POC1B: variants seen among roughly 807,000 people sequenced by gnomAD.
POC1B encodes the protein POC1 centriolar protein homolog B.
A neutral mutation model predicts 60.6 loss-of-function variants in POC1B; 44 were observed. The ratio of observed to expected loss-of-function variants is 0.73; its 90% CI spans 0.57 to 0.93. The LOEUF (loss-of-function observed/expected upper bound fraction) is 0.93. Ranked by LOEUF, POC1B falls within the 40% of genes least tolerant of loss-of-function variation. The probability of loss-of-function intolerance (pLI) is 0.00; values close to 1 mark genes in which losing one functional copy is unlikely to be tolerated. For synonymous variants in POC1B, 180 were observed against 198.9 expected (o/e 0.90, Z 0.80); for missense variants, 555 against 572.3 (o/e 0.97, Z 0.31).
intron 4 of POC1B, among the ~76,000 whole-genome samples, chr12:89,479,898 GTAAAA>G (rs1414324465): frequency 6.6e-6 from 1 of 151,788 alleles, no homozygotes; most frequent in Admixed American, 6.6e-5. Flanking sequence ...AATTTTTTTG[GTAAAA>G]TATTCAACTT....
Position 89,470,345 on chromosome 12 carries a change from A to C in POC1B, c.810+16T>G, listed in dbSNP as rs563705298. The C allele has an allele frequency of 7.6e-7, 1 of 1,320,800 alleles. No individual in the cohort carries two copies. Among genetic ancestry groups the C allele is most frequent in the East Asian group, 2.8e-5 (1 of 35,592 alleles). 81.8% of individuals were successfully genotyped at this position (1,320,800 alleles called of 1,614,324 possible). A position where few individuals can be genotyped will look rare whatever the true frequency, so the allele number is the denominator to read the frequency against. On this transcript the variant is annotated intron_variant, in intron 7 of 11. Transcript: ENST00000313546. ...ATATTTTTATATATAAAAAGCAAGA[A>C]TCTGAGTGTTAATACCGTATGTCCT...
At chr12:89,406,638 G>A in the POC1B span, among the ~76,000 whole-genome samples, 4 of 151,898 alleles carry the variant, frequency 2.6e-5, no homozygotes, top group South Asian at 8.3e-4. Flanking sequence ...TCCTATTCCC[G>A]GGTCTGCAAG....
intron 2 of POC1B, chr12:89,500,518 T>C (rs915679265): frequency 4.4e-6 from 7 of 1,604,006 alleles, no homozygotes; most frequent in Middle Eastern, 1.6e-4. Flanking sequence ...GAAACATAAA[T>C]GATCATCACA....
intron 4 of POC1B, among the ~76,000 whole-genome samples, chr12:89,477,371 T>C (rs1273755404): frequency 6.6e-6 from 1 of 152,108 alleles, no homozygotes; most frequent in Non-Finnish European, 1.5e-5. Flanking sequence ...TGAAAATTAC[T>C]TGTTCGGGAA....
chr12:89,478,025 T>A (rs940343378), intron 4 of POC1B, among the ~76,000 whole-genome samples: 3 of 152,226 alleles, frequency 2.0e-5, no homozygotes, highest in African/African-American at 7.2e-5. Context: ...TCCTGAACAC[T>A]GTCACCAGTA....
Position 89,492,075 on chromosome 12 carries a change from C to T in POC1B, c.313G>A (p.Val105Ile). ...TCAGCTGAAAAGTCTACACTTCGAA[C>T]TGGAGCTGTATGAGCTTTAAATTCT... ...FSEFKAHTAP[V>I]RSVDFSADGQ... The change falls in exon 4 of 12, where the codon GTT becomes ATT. Residue 105 changes from valine (V) to isoleucine (I), a missense_variant. By Grantham distance (29) the Val-to-Ile change is conservative. Transcript: ENST00000313546. The T allele has an allele frequency of 7.5e-6, 12 of 1,597,720 alleles. No homozygotes were observed. The highest frequency in any genetic ancestry group is 1.0e-5 in the Non-Finnish European group (12 of 1,175,154).
In POC1B at chr12:89,467,688, G is replaced by A. The variant is rs201420859; in HGVS notation, c.811-3C>T. 6.6e-5 allele frequency: 106 copies of A among 1,606,402 alleles called. No homozygotes were observed. In the Admixed American group the frequency reaches 1.7e-3, roughly 26 times the overall value. ...AATGAAACAGTAAAGACAGGTCCCT[G>A]AGAAATAAAGGGAAATAAAGAAAAA... On this transcript the variant is annotated splice_region_variant and splice_polypyrimidine_tract_variant and intron_variant, in intron 7 of 11. Coordinates refer to ENST00000313546, the MANE Select transcript of POC1B (RefSeq NM_172240.3).
chr12:89,514,402 CTTTTTTTTTT>C lies in POC1B; in HGVS notation c.100+10708_100+10717del, dbSNP rs60679774. On this transcript the variant is annotated intron_variant, in intron 2 of 11. Coordinates refer to ENST00000313546, the MANE Select transcript of POC1B (RefSeq NM_172240.3). The stretch of plus-strand genomic sequence containing the variant: ...ATAAGTTACTCAGTTTCATGTATTT[CTTTTTTTTTT>C]TTTTTTTTTTTTTTTAGACGAAGTC... Among the ~76,000 whole-genome samples, 187 of 67,096 alleles carry C rather than the reference CTTTTTTTTTT, an allele frequency of 2.8e-3. 5 individuals are homozygous for C. Among genetic ancestry groups the C allele is most frequent in the Non-Finnish European group, 3.5e-3 (134 of 38,364 alleles). The allele number at this position is 67,096 out of a possible 152,430, so 44.0% of individuals were successfully genotyped here. A position where few individuals can be genotyped will look rare whatever the true frequency, so the allele number is the denominator to read the frequency against.
chr12:89,518,643 C>G (rs1025998546), intron 2 of POC1B, among the ~76,000 whole-genome samples: 15 of 152,088 alleles, frequency 9.9e-5, no homozygotes, highest in Non-Finnish European at 1.6e-4. Flanking sequence ...TGCCACCTGC[C>G]AAAAATTCAT....
At chr12:89,525,326 C>T (rs957932999) in intron 1 of POC1B, 122 bp from the exon 2 acceptor site, 4 of 1,449,492 alleles carry the variant, frequency 2.8e-6, no homozygotes, top group East Asian at 2.6e-5. Context: ...GGCGGCTTGG[C>T]TGGGCGGCGG....
At chr12:89,422,248 T>A (rs1880571844) in intron 11 of POC1B, among the ~76,000 whole-genome samples, 1 of 152,150 alleles carries the variant, frequency 6.6e-6, no homozygotes, top group Non-Finnish European at 1.5e-5. Flanking sequence ...ACAGCCACTA[T>A]CCTGACCTTT....
At chr12:89,511,567 GT>G (rs1273520009) in intron 2 of POC1B, among the ~76,000 whole-genome samples, 1 of 151,958 alleles carries the variant, frequency 6.6e-6, no homozygotes, top group Non-Finnish European at 1.5e-5. Context: ...CAGCTTTCTA[GT>G]TTTACCTGGT....
intron 2 of POC1B, among the ~76,000 whole-genome samples, chr12:89,506,188 C>A (rs1869886885): frequency 6.6e-6 from 1 of 152,212 alleles, no homozygotes. Flanking sequence ...TAAAAGAACA[C>A]CCTGTGAAAT....
At chr12:89,524,345 C>A in intron 2 of POC1B, 1 of 1,614,050 alleles carries the variant, frequency 6.2e-7, no homozygotes, top group South Asian at 1.1e-5. Flanking sequence ...CGGGAATCTG[C>A]AGGGGGCTTC....
intron 1 of POC1B, 65 bp downstream of exon 1, chr12:89,525,816 C>T (rs1871427893): frequency 1.4e-6 from 2 of 1,398,942 alleles, no homozygotes; most frequent in East Asian, 2.8e-5. Flanking sequence ...CGGCCCGGAC[C>T]TGGCCCCGCA....
At chr12:89,454,977 G>GAA (rs1045051623) in intron 10 of POC1B, among the ~76,000 whole-genome samples, 1 of 151,876 alleles carries the variant, frequency 6.6e-6, no homozygotes, top group Non-Finnish European at 1.5e-5. Context: ...TTCTAAACTA[G>GAA]ACTGATGCAT....
chr12:89,451,557 G>C (rs1215731407), intron 10 of POC1B, among the ~76,000 whole-genome samples: 1 of 152,168 alleles, frequency 6.6e-6, no homozygotes, highest in Non-Finnish European at 1.5e-5. Context: ...GACAATCTCA[G>C]AAAGTAAAAG....
At chr12:89,435,951 GT>G (rs1196561616) in intron 10 of POC1B, among the ~76,000 whole-genome samples, 44 of 142,148 alleles carry the variant, frequency 3.1e-4, no homozygotes, top group South Asian at 2.4e-3. Context: ...TTGTTTGTTT[GT>G]TTTTTTTTTT....
At chr12:89,524,952 A>T in intron 2 of POC1B, 168 bp downstream of exon 2, 1 of 1,058,412 alleles carries the variant, frequency 9.4e-7, no homozygotes, top group Non-Finnish European at 1.3e-6. Context: ...GGGATGGCAG[A>T]GGGGGCCCTA....
Sources: gnomAD v4.1 joint callset for allele counts (sites outside exome capture counted in the v4.1 genomes callset) on GRCh38, gnomAD v4.1.1 for gene constraint, MANE v1.5 for transcripts, NCBI Gene and HGNC (gene_info 2026-07-23, HGNC 2026-07-21) for gene names.